TRAPPC9: variants seen among roughly 807,000 people sequenced by gnomAD.
TRAPPC9 encodes trafficking protein particle complex subunit 9.
A neutral mutation model predicts 124.0 loss-of-function variants in TRAPPC9; 83 were observed. That is an observed-to-expected ratio of 0.67 (90% CI 0.56 to 0.80). TRAPPC9 has a LOEUF of 0.80. TRAPPC9 is among the 30% of genes least tolerant of loss of function. The pLI is 0.00. For synonymous variants in TRAPPC9, 638 were observed against 617.5 expected, an observed-to-expected ratio of 1.03 and a Z score of -0.49; for missense variants, 1,302 against 1,508.3, an observed-to-expected ratio of 0.86 and a Z score of 2.27.
intron 21 of TRAPPC9, among the ~76,000 whole-genome samples, chr8:139,799,386 C>T (rs1232725627): frequency 6.6e-6 from 1 of 152,154 alleles, no homozygotes; most frequent in Non-Finnish European, 1.5e-5. Context: ...ACATGCCTAT[C>T]TTTTGGAGGC....
Position 139,739,082 on chromosome 8 carries a change from C to G in TRAPPC9, c.3056-6880G>C, listed in dbSNP as rs571887614. On this transcript the variant is annotated intron_variant, in intron 21 of 22. Coordinates refer to ENST00000438773, the MANE Select transcript of TRAPPC9 (RefSeq NM_001160372.4). Reference sequence around the variant, plus strand: ...ACTGGAGAGGCCCTGAGCCTCAGGCCCGTGCTCCTCTGGGCAACCCTGACA... The same window carrying G: ...ACTGGAGAGGCCCTGAGCCTCAGGCGCGTGCTCCTCTGGGCAACCCTGACA... Among the ~76,000 whole-genome samples the G allele has an allele frequency of 5.9e-5, 9 of 152,308 alleles. No individual in the cohort carries two copies. In the East Asian group the frequency reaches 1.7e-3, roughly 29 times the overall value.
chr8:139,925,739 C>T (rs185696844), intron 19 of TRAPPC9, among the ~76,000 whole-genome samples: 193 of 148,218 alleles, frequency 1.3e-3, no homozygotes, highest in African/African-American at 4.1e-3. Flanking sequence ...CAGAATGAGA[C>T]TCCATCTTAA....
intron 21 of TRAPPC9, among the ~76,000 whole-genome samples, chr8:139,863,511 T>C (rs1162342985): frequency 6.6e-6 from 1 of 152,204 alleles, no homozygotes; most frequent in East Asian, 1.9e-4. Flanking sequence ...CGTGGAACCT[T>C]GAGCACTGTA....
intron 19 of TRAPPC9, among the ~76,000 whole-genome samples, chr8:139,981,108 G>A (rs1465831431): frequency 2.6e-5 from 4 of 152,156 alleles, no homozygotes; most frequent in African/African-American, 7.2e-5. Flanking sequence ...GAACGCAAAC[G>A]TTCCTTCCCT....
At chr8:139,863,375 G>A (rs1223256490) in intron 21 of TRAPPC9, among the ~76,000 whole-genome samples, 2 of 152,226 alleles carry the variant, frequency 1.3e-5, no homozygotes, top group South Asian at 2.1e-4. Flanking sequence ...GGCACGGAGG[G>A]CCCAAAGAAG....
intron 19 of TRAPPC9, among the ~76,000 whole-genome samples, chr8:139,952,599 T>C (rs924688642): frequency 1.3e-5 from 2 of 151,710 alleles, no homozygotes; most frequent in African/African-American, 4.8e-5. Context: ...AACAAGAGGA[T>C]AGAAAAAAGA....
chr8:139,922,361 T>G (rs930626940), intron 19 of TRAPPC9, among the ~76,000 whole-genome samples: 1 of 152,206 alleles, frequency 6.6e-6, no homozygotes, highest in African/African-American at 2.4e-5. Flanking sequence ...TTTTTGTATT[T>G]TTAGTAGAGA....
intron 19 of TRAPPC9, among the ~76,000 whole-genome samples, chr8:139,920,254 G>A (rs1257414459): frequency 1.3e-5 from 2 of 152,250 alleles, no homozygotes; most frequent in African/African-American, 4.8e-5. Context: ...GCTGAGGCAG[G>A]AGAATAACCT....
chr8:139,790,470 G>A (rs368811580), intron 21 of TRAPPC9, among the ~76,000 whole-genome samples: 80 of 152,206 alleles, frequency 5.3e-4, no homozygotes, highest in African/African-American at 1.9e-3. Flanking sequence ...GGGGAAGGCA[G>A]GCCTCCATCT....
chr8:139,927,940 T>C (rs1328527488), intron 19 of TRAPPC9, among the ~76,000 whole-genome samples: 1 of 152,220 alleles, frequency 6.6e-6, no homozygotes, highest in Non-Finnish European at 1.5e-5. Context: ...CAGGGGTTGC[T>C]GTGGGACAGA....
At chr8:140,268,538 C>T (rs1220487122) in intron 15 of TRAPPC9, among the ~76,000 whole-genome samples, 1 of 152,156 alleles carries the variant, frequency 6.6e-6, no homozygotes, top group Non-Finnish European at 1.5e-5. Flanking sequence ...TCTACCATGC[C>T]GTCTATTTAC....
chr8:139,893,165 C>A (rs547342064), intron 20 of TRAPPC9, among the ~76,000 whole-genome samples: 1 of 152,210 alleles, frequency 6.6e-6, no homozygotes, highest in Non-Finnish European at 1.5e-5. Context: ...ACAGCCCTGG[C>A]GAGATGCCTC....
In TRAPPC9 at chr8:139,747,301, C is replaced by T. The variant is rs190174620; in HGVS notation, c.3056-15099G>A. Among the ~76,000 whole-genome samples, 13 of 152,086 alleles carry T rather than the reference C, an allele frequency of 8.5e-5. No individual in the cohort carries two copies. In the South Asian group the frequency reaches 1.5e-3, roughly 17 times the overall value. On this transcript the variant is annotated intron_variant, in intron 21 of 22. Coordinates refer to ENST00000438773, the MANE Select transcript of TRAPPC9 (RefSeq NM_001160372.4). ...GCCAATCAGATCATACACGTGGGCA[C>T]GGTCAGCACCCAGGGGGTTTGGAGG...
In TRAPPC9 at chr8:140,451,311, C is replaced by G; in HGVS notation, c.63G>C (p.Gln21His). The G allele has an allele frequency of 6.2e-7, 1 of 1,608,390 alleles. No individual in the cohort carries two copies. The highest frequency in any genetic ancestry group is 8.5e-7 in the Non-Finnish European group (1 of 1,180,014). ...TCTCCTCGGAGACGATGCCCACAGG[C>G]TGGACCACCACGAGCAGCGTCTGGT... ...EDHQTLLVVVQPVGIVSEENF... is the reference protein window; with the variant it reads ...EDHQTLLVVVHPVGIVSEENF... The change falls in exon 2 of 23, where the codon CAG (glutamine) becomes CAC (histidine). Residue 21 changes from glutamine to histidine, a missense_variant. Physicochemically the swap from Gln to His is conservative, Grantham distance 24. Around this residue, in one of 3 missense-constraint regions of TRAPPC9, gnomAD observed 657 missense variants for 811.2 expected, o/e 0.81. Coordinates refer to ENST00000438773, the MANE Select transcript of TRAPPC9 (RefSeq NM_001160372.4).
chr8:139,905,670 G>C (rs1157188327), intron 20 of TRAPPC9, among the ~76,000 whole-genome samples: 1 of 152,188 alleles, frequency 6.6e-6, no homozygotes, highest in African/African-American at 2.4e-5. Flanking sequence ...CATGGCCCCA[G>C]GCTTGGTGGC....
intron 7 of TRAPPC9, among the ~76,000 whole-genome samples, chr8:140,382,518 A>G (rs1420689131): frequency 6.6e-6 from 1 of 151,372 alleles, no homozygotes; most frequent in Admixed American, 6.7e-5. Context: ...GGAGGGTCCC[A>G]CGCCCGGCTG....
intron 17 of TRAPPC9, among the ~76,000 whole-genome samples, chr8:140,084,849 T>TCTTGCCTGGTAGCC (rs1844083923): frequency 2.0e-5 from 3 of 152,312 alleles, no homozygotes; most frequent in African/African-American, 7.2e-5. Flanking sequence ...AGGGCTAAGC[T>TCTTGCCTGGTAGCC]CTTGCCTGGT....
At chr8:140,129,633 A>T (rs1243395059) in intron 17 of TRAPPC9, among the ~76,000 whole-genome samples, 2 of 152,144 alleles carry the variant, frequency 1.3e-5, no homozygotes, top group Admixed American at 1.3e-4. Flanking sequence ...TTGAACACCT[A>T]AGTCAGCAAT....
At chr8:139,746,380 A>C (rs1387012380) in intron 21 of TRAPPC9, among the ~76,000 whole-genome samples, 1 of 152,194 alleles carries the variant, frequency 6.6e-6, no homozygotes, top group African/African-American at 2.4e-5. Flanking sequence ...CCGTAAACAC[A>C]TCCATCCTAT....
Sources: gnomAD v4.1 joint callset for allele counts (sites outside exome capture counted in the v4.1 genomes callset) on GRCh38, gnomAD v4.1.1 for gene constraint, gnomAD v4.1.1 regional missense constraint, MANE v1.5 for transcripts, NCBI Gene and HGNC (gene_info 2026-07-23, HGNC 2026-07-21) for gene names.